The following DPP6 variants were observed in gnomAD, a reference collection of about 807,000 sequenced individuals.
DPP6 encodes the protein dipeptidyl peptidase like 6.
A neutral mutation model predicts 122.6 loss-of-function variants in DPP6; 69 were observed. The observed-to-expected ratio is 0.56, with a 90% CI of 0.46 to 0.69. The LOEUF is 0.69. Among genes scored for constraint, DPP6 ranks in the 30% least tolerant of loss-of-function variants. The probability of loss-of-function intolerance (pLI) is 0.00; values close to 1 mark genes in which losing one functional copy is unlikely to be tolerated. For missense variants in DPP6, 928 were observed against 1,116.9 expected, an observed-to-expected ratio of 0.83 and a Z score of 2.41; for synonymous variants, 418 against 433.1, an observed-to-expected ratio of 0.97 and a Z score of 0.43.
chr7:154,398,884 G>C, intron 1 of DPP6, among the ~76,000 whole-genome samples: 1 of 152,158 alleles, frequency 6.6e-6, no homozygotes, highest in South Asian at 2.1e-4. Flanking sequence ...GGACACACTT[G>C]ATTGCTTAGA....
chr7:154,542,974 T>C, intron 4 of DPP6, among the ~76,000 whole-genome samples: 1 of 152,212 alleles, frequency 6.6e-6, no homozygotes, highest in East Asian at 1.9e-4. Flanking sequence ...ATGGAATATG[T>C]GTATGCTCTG....
chr7:154,409,125 C>T (rs1427396798), intron 1 of DPP6, among the ~76,000 whole-genome samples: 1 of 152,162 alleles, frequency 6.6e-6, no homozygotes, highest in Admixed American at 6.5e-5. Flanking sequence ...GTCTGGGTGA[C>T]AGAGTGAGAC....
At chr7:153,820,475 C>T in the DPP6 span, among the ~76,000 whole-genome samples, 233 of 152,304 alleles carry the variant, frequency 1.5e-3, 2 homozygotes, top group East Asian at 7.0e-3. Flanking sequence ...ACCCAGGTCC[C>T]TCCACCTTGA....
intron 1 of DPP6, among the ~76,000 whole-genome samples, chr7:153,948,489 G>A (rs1318013233): frequency 6.6e-6 from 1 of 152,048 alleles, no homozygotes; most frequent in Non-Finnish European, 1.5e-5. Context: ...AATCACACTG[G>A]CTTCTGGGCT....
At chr7:154,092,757 G>A (rs918084485) in intron 1 of DPP6, 1 of 151,972 alleles carries the variant, frequency 6.6e-6, no homozygotes, top group Non-Finnish European at 1.5e-5. Context: ...ATTGTGGGGC[G>A]ATTTTTTCGG....
At chr7:154,025,162 T>C (rs1798907202) in intron 1 of DPP6, among the ~76,000 whole-genome samples, 1 of 151,990 alleles carries the variant, frequency 6.6e-6, no homozygotes, top group Admixed American at 6.6e-5. Context: ...CATCACCTGA[T>C]TATTTCCCTC....
intron 7 of DPP6, among the ~76,000 whole-genome samples, chr7:154,725,222 T>C (rs958436431): frequency 5.3e-5 from 8 of 152,286 alleles, no homozygotes; most frequent in Non-Finnish European, 7.4e-5. Context: ...AACTACAGTG[T>C]CCCAGCCCGT....
At chr7:154,371,584 G>T (rs2151120641) in intron 1 of DPP6, among the ~76,000 whole-genome samples, 1 of 152,190 alleles carries the variant, frequency 6.6e-6, no homozygotes, top group African/African-American at 2.4e-5. Flanking sequence ...AGGCCCACTT[G>T]CAGACTGGCC....
At chr7:154,416,103 G>A (rs188876078) in intron 1 of DPP6, among the ~76,000 whole-genome samples, 1 of 152,160 alleles carries the variant, frequency 6.6e-6, no homozygotes, top group East Asian at 1.9e-4. Flanking sequence ...ATTGCACACT[G>A]TTCTGAGTAG....
chr7:154,861,935 G>T (rs1568900), intron 17 of DPP6, among the ~76,000 whole-genome samples: 51,288 of 152,082 alleles, frequency 0.34, 12,864 homozygotes, highest in African/African-American at 0.69. Flanking sequence ...TTCACTGAAC[G>T]CCTGAGCTAT....
intron 1 of DPP6, among the ~76,000 whole-genome samples, chr7:154,313,685 G>GTGTGTGTGTGTATGTATA: frequency 4.9e-5 from 1 of 20,468 alleles, no homozygotes; most frequent in African/African-American, 1.3e-4. Context: ...TTAAGATATG[G>GTGTGTGTGTGTATGTATA]TATATATATA....
At chr7:153,770,091 C>A in the DPP6 span, among the ~76,000 whole-genome samples, 9 of 152,208 alleles carry the variant, frequency 5.9e-5, no homozygotes, top group South Asian at 1.7e-3. Flanking sequence ...GGAGAACCAG[C>A]CTCTGCAGTG....
the DPP6 span, among the ~76,000 whole-genome samples, chr7:153,779,154 C>T: frequency 6.8e-6 from 1 of 148,122 alleles, no homozygotes. Context: ...AAGATCAGAT[C>T]TTACATTTTA....
At chr7:153,830,071 A>T in the DPP6 span, among the ~76,000 whole-genome samples, 1 of 152,258 alleles carries the variant, frequency 6.6e-6, no homozygotes, top group Non-Finnish European at 1.5e-5. Context: ...AGACTGAAAC[A>T]GAACAAGGAA....
At chr7:154,203,782 C>T (rs1005456808) in intron 1 of DPP6, among the ~76,000 whole-genome samples, 34 of 151,984 alleles carry the variant, frequency 2.2e-4, no homozygotes, top group Non-Finnish European at 1.3e-4. Flanking sequence ...GAGAGGCAGG[C>T]GGATATTTGT....
At chr7:154,816,001 G>A (rs1799401991) in intron 16 of DPP6, among the ~76,000 whole-genome samples, 1 of 152,080 alleles carries the variant, frequency 6.6e-6, no homozygotes, top group African/African-American at 2.4e-5. Flanking sequence ...CACCATCATT[G>A]CCATCATTAT....
chr7:154,267,647 T>C (rs1396287320), intron 1 of DPP6, among the ~76,000 whole-genome samples: 1 of 150,756 alleles, frequency 6.6e-6, no homozygotes, highest in Non-Finnish European at 1.5e-5. Flanking sequence ...TGCACACATA[T>C]ATGCACACAT....
At chr7:153,842,033 A>G in the DPP6 span, among the ~76,000 whole-genome samples, 2 of 152,244 alleles carry the variant, frequency 1.3e-5, no homozygotes, top group African/African-American at 4.8e-5. Context: ...AAGAAACGAT[A>G]CTAAGATGGA....
At chr7:153,933,530 A>C (rs1012576792) in intron 1 of DPP6, among the ~76,000 whole-genome samples, 1 of 152,236 alleles carries the variant, frequency 6.6e-6, no homozygotes, top group African/African-American at 2.4e-5. Flanking sequence ...TGGATGCTTC[A>C]CTATCTGGCG....
Sources: gnomAD v4.1 joint callset for allele counts (sites outside exome capture counted in the v4.1 genomes callset) on GRCh38, gnomAD v4.1.1 for gene constraint, MANE v1.5 for transcripts, NCBI Gene and HGNC (gene_info 2026-07-23, HGNC 2026-07-21) for gene names.